Variants in CDH9 observed in about 807,000 individuals in gnomAD.
The protein encoded by CDH9 is cadherin 9.
Under a neutral mutation model 70.9 loss-of-function variants are expected in CDH9, and 28 were observed. The ratio of observed to expected loss-of-function variants is 0.40; its 90% CI spans 0.29 to 0.54. The LOEUF (loss-of-function observed/expected upper bound fraction) is 0.54. Among genes scored for constraint, CDH9 ranks in the 20% least tolerant of loss-of-function variants. The pLI, the probability that CDH9 is intolerant of heterozygous loss-of-function variation, is 0.59. For missense variants in CDH9, 874 were observed against 984.4 expected (o/e 0.89, Z 1.50); for synonymous variants, 409 against 343.1 (o/e 1.19, Z -2.12).
chr5:26,906,519 T>C (rs1176785274), intron 4 of CDH9, among the ~76,000 whole-genome samples, 200 bp downstream of exon 4: 1 of 152,178 alleles, frequency 6.6e-6, no homozygotes, highest in Non-Finnish European at 1.5e-5. Context: ...CAATGAATAA[T>C]AGTTTAAAGA....
At chr5:26,948,168 T>C (rs182622332) in intron 2 of CDH9, among the ~76,000 whole-genome samples, 1 of 152,288 alleles carries the variant, frequency 6.6e-6, no homozygotes, top group Admixed American at 6.5e-5. Context: ...GTATCCTTAA[T>C]GTAGATTGTT....
chr5:26,963,772 G>A (rs890438560), intron 2 of CDH9, among the ~76,000 whole-genome samples: 1 of 152,094 alleles, frequency 6.6e-6, no homozygotes, highest in Non-Finnish European at 1.5e-5. Context: ...ATATTATGAT[G>A]TAATTCCCAG....
chr5:26,958,125 C>G (rs1741976249), intron 2 of CDH9, among the ~76,000 whole-genome samples: 2 of 152,062 alleles, frequency 1.3e-5, no homozygotes, highest in African/African-American at 4.8e-5. Flanking sequence ...ACAAAGAATA[C>G]TTGAGTGAGG....
At chr5:26,988,406 T>G in intron 1 of CDH9, 24 bp from the exon 2 acceptor site, 1 of 1,553,410 alleles carries the variant, frequency 6.4e-7, no homozygotes, top group East Asian at 2.3e-5. Flanking sequence ...AGAAAAAAAA[T>G]GGCTGTATTA....
intron 7 of CDH9, among the ~76,000 whole-genome samples, chr5:26,899,580 C>G (rs1156935458): frequency 1.3e-5 from 2 of 151,998 alleles, no homozygotes; most frequent in Admixed American, 1.3e-4. Flanking sequence ...TGTTCTCACT[C>G]ATAAATGGAA....
intron 1 of CDH9, among the ~76,000 whole-genome samples, chr5:27,003,776 T>C (rs1742810788): frequency 1.3e-5 from 2 of 151,922 alleles, no homozygotes; most frequent in South Asian, 2.1e-4. Context: ...CACTGCTAAA[T>C]GAAATGTGGT....
chr5:26,942,304 C>G (rs1741676485), intron 2 of CDH9, among the ~76,000 whole-genome samples: 2 of 152,156 alleles, frequency 1.3e-5, no homozygotes. Flanking sequence ...CCCACTGGGT[C>G]CCTCCCACAA....
intron 1 of CDH9, among the ~76,000 whole-genome samples, chr5:27,002,333 T>C (rs985009696): frequency 1.3e-5 from 2 of 151,924 alleles, no homozygotes; most frequent in East Asian, 3.9e-4. Flanking sequence ...GACTGTAAAC[T>C]AGTTCAACCA....
chr5:27,037,376 T>C (rs1426580810), intron 1 of CDH9, among the ~76,000 whole-genome samples: 1 of 151,852 alleles, frequency 6.6e-6, no homozygotes, highest in Non-Finnish European at 1.5e-5. Flanking sequence ...ACCACCAATT[T>C]CTCCTCCAAT....
intron 1 of CDH9, among the ~76,000 whole-genome samples, chr5:27,010,069 C>A (rs1023964560): frequency 6.6e-6 from 1 of 152,016 alleles, no homozygotes; most frequent in African/African-American, 2.4e-5. Context: ...AGATGAACAG[C>A]CATTCACTTG....
chr5:26,983,610 G>A (rs1239626582), intron 2 of CDH9, among the ~76,000 whole-genome samples: 3 of 152,108 alleles, frequency 2.0e-5, no homozygotes, highest in Admixed American at 1.3e-4. Context: ...TGTGTTCTGA[G>A]TTATAAACAA....
intron 2 of CDH9, among the ~76,000 whole-genome samples, chr5:26,955,017 G>T (rs1579474642): frequency 1.3e-5 from 2 of 152,212 alleles, no homozygotes; most frequent in Admixed American, 1.3e-4. Context: ...CCTGGCAACA[G>T]AATGAGAACA....
At chr5:27,015,450 G>A (rs889421594) in intron 1 of CDH9, among the ~76,000 whole-genome samples, 4 of 151,570 alleles carry the variant, frequency 2.6e-5, no homozygotes, top group Middle Eastern at 3.4e-3. Flanking sequence ...ACAAAATACG[G>A]GCAGTTTACT....
At chr5:26,932,985 T>C (rs1161167645) in intron 2 of CDH9, among the ~76,000 whole-genome samples, 1 of 16 alleles carries the variant, frequency 0.062, no homozygotes, top group Non-Finnish European at 0.12. Context: ...TATAATTATA[T>C]AGATAAAATT....
intron 2 of CDH9, among the ~76,000 whole-genome samples, chr5:26,964,062 T>TGTGAAGA (rs1334243026): frequency 6.6e-6 from 1 of 152,130 alleles, no homozygotes; most frequent in Non-Finnish European, 1.5e-5. Context: ...AATAAAAAAT[T>TGTGAAGA]GTGAAGAGTA....
chr5:26,978,730 G>A (rs1383462540), intron 2 of CDH9, among the ~76,000 whole-genome samples: 4 of 151,500 alleles, frequency 2.6e-5, no homozygotes, highest in Non-Finnish European at 1.5e-5. Context: ...GATATAAATA[G>A]AACTTTAAAA....
At chr5:26,915,309 C>G (rs1287940666) in intron 3 of CDH9, among the ~76,000 whole-genome samples, 1 of 151,976 alleles carries the variant, frequency 6.6e-6, no homozygotes, top group African/African-American at 2.4e-5. Context: ...ACTGCTGATA[C>G]TATCTATTAT....
intron 2 of CDH9, among the ~76,000 whole-genome samples, chr5:26,956,569 G>T (rs534005179): frequency 2.6e-5 from 4 of 152,064 alleles, no homozygotes; most frequent in Non-Finnish European, 5.9e-5. Flanking sequence ...ATAGGCTATG[G>T]TTTGAATATT....
intron 5 of CDH9, among the ~76,000 whole-genome samples, chr5:26,904,898 C>A (rs1373229989): frequency 6.6e-6 from 1 of 151,946 alleles, no homozygotes; most frequent in Non-Finnish European, 1.5e-5. Context: ...GTTTTGTTAG[C>A]ATTATTATAG....
Sources: allele counts gnomAD v4.1 joint callset (sites outside exome capture counted in the v4.1 genomes callset), GRCh38; gene constraint gnomAD v4.1.1; transcripts MANE v1.5; gene names NCBI Gene and HGNC (gene_info 2026-07-23, HGNC 2026-07-21).